PCNT: variants seen among roughly 807,000 people sequenced by gnomAD.
PCNT encodes kendrin.
In PCNT, 319 loss-of-function variants were observed where a neutral mutation model predicts 380.4. That is an observed-to-expected ratio of 0.84 (90% CI 0.77 to 0.92). The LOEUF (loss-of-function observed/expected upper bound fraction) is 0.92. Among genes scored for constraint, PCNT ranks in the 40% least tolerant of loss-of-function variants. The pLI, the probability that PCNT is intolerant of heterozygous loss-of-function variation, is 0.00. For synonymous variants in PCNT, 1,845 were observed against 1,735.2 expected, an observed-to-expected ratio of 1.06 and a Z score of -1.57; for missense variants, 4,400 against 4,255.3, an observed-to-expected ratio of 1.03 and a Z score of -0.95.
intron 3 of PCNT, among the ~76,000 whole-genome samples, chr21:46,339,592 A>G (rs2083857056): frequency 6.6e-6 from 1 of 152,190 alleles, no homozygotes; most frequent in African/African-American, 2.4e-5. Context: ...GATGGAGGCC[A>G]GAGGGCTAAC....
chr21:46,381,640 AAG>A (rs2085545142), intron 15 of PCNT, 52 bp from the exon 16 acceptor site: 1 of 1,548,008 alleles, frequency 6.5e-7, no homozygotes, highest in African/African-American at 1.4e-5. Context: ...GCTAACAGCA[AAG>A]AAAGTATTTT....
intron 29 of PCNT, among the ~76,000 whole-genome samples, chr21:46,414,181 G>A (rs1198820772): frequency 6.6e-6 from 1 of 151,958 alleles, no homozygotes; most frequent in African/African-American, 2.4e-5. Flanking sequence ...TAGTAGAGAC[G>A]GGGTTTCACC....
Position 46,438,145 on chromosome 21 carries a change from T to G in PCNT, c.9100-19T>G. 6.2e-7 allele frequency: 1 copy of G among 1,605,802 alleles called. No individual in the cohort carries two copies. Among genetic ancestry groups the G allele is most frequent in the Non-Finnish European group, 8.5e-7 (1 of 1,173,216 alleles). On this transcript the variant is annotated intron_variant, in intron 40 of 46. Transcript: ENST00000359568. ...CCTTTAACAACAAATTCTTACAAAT[T>G]TATTTTCTTTTCTCCAAGAAAAAAA...
chr21:46,428,166 G>A (rs980909310), intron 34 of PCNT, among the ~76,000 whole-genome samples: 7 of 152,186 alleles, frequency 4.6e-5, no homozygotes, highest in Non-Finnish European at 1.0e-4. Context: ...CAGCATACAC[G>A]AGGAAACCTA....
chr21:46,428,391 C>T lies in PCNT; in HGVS notation c.7495-4C>T, dbSNP rs1019492273. On this transcript the variant is annotated splice_polypyrimidine_tract_variant and splice_region_variant and intron_variant, in intron 34 of 46. Coordinates refer to ENST00000359568, the MANE Select transcript of PCNT (RefSeq NM_006031.6). Reference sequence around the variant, plus strand: ...TCAGGCTGCTTGTCCCATTGTGCCCCCAGGGAGACCTGCAGGAAAAGTCCC... The same window carrying T: ...TCAGGCTGCTTGTCCCATTGTGCCCTCAGGGAGACCTGCAGGAAAAGTCCC... The T allele has an allele frequency of 3.7e-6, 6 of 1,611,692 alleles. No homozygotes were observed. The South Asian group carries it at 4.4e-5, about 12-fold the overall frequency.
chr21:46,369,136 C>G lies in PCNT; in HGVS notation c.3165+1997C>G, dbSNP rs1008080679. ...AAAGCAGAATATGTTCAGGCTCCCT[C>G]TGCTCTCCTGAGTAAGGTGCAGTCA... On this transcript the variant is annotated intron_variant, in intron 15 of 46. Coordinates refer to ENST00000359568, the MANE Select transcript of PCNT (RefSeq NM_006031.6). 5.9e-5 allele frequency among the ~76,000 whole-genome samples: 9 copies of G among 152,258 alleles called. No individual in the cohort carries two copies. In the South Asian group the frequency reaches 6.2e-4, roughly 10 times the overall value.
intron 1 of PCNT, chr21:46,325,125 C>T (rs2083331187): frequency 3.0e-6 from 3 of 985,516 alleles, no homozygotes; most frequent in South Asian, 9.4e-5. Context: ...GGGAATAAAG[C>T]GCGCAGAGCC....
At position 46,392,308 on chromosome 21, in the gene PCNT, C is replaced by T. The variant is rs186477988; in HGVS notation, c.4216+932C>T. 3.9e-5 allele frequency among the ~76,000 whole-genome samples: 6 copies of T among 152,238 alleles called. No homozygotes were observed. In the East Asian group the frequency reaches 1.2e-3, roughly 29 times the overall value. ...GATCTCAGTTCACTGCAACCTCCGC[C>T]TCCTGGGTTCAAGTGATTCTCCTGC... is the stretch of plus-strand genomic sequence containing the variant. On this transcript the variant is annotated intron_variant, in intron 21 of 46. Coordinates refer to ENST00000359568, the MANE Select transcript of PCNT (RefSeq NM_006031.6).
chr21:46,363,756 G>A lies in PCNT; in HGVS notation c.2431G>A (p.Glu811Lys). The change falls in exon 14 of 47, where the codon GAG (glutamate) becomes AAG (lysine). Residue 811 changes from glutamate to lysine, a missense_variant. Transcript: ENST00000359568. ...ACAGGCAGCCCAGATCCTGGATCTG[G>A]AGAGGTCCTTGACGGAGCAGCAGGG... The part of the protein sequence containing the change: ...DQQAAQILDL[E>K]RSLTEQQGRL... 3.7e-6 allele frequency: 6 copies of A among 1,614,210 alleles called. No homozygotes were observed. Among genetic ancestry groups the A allele is most frequent in the Non-Finnish European group, 5.1e-6 (6 of 1,180,034 alleles).
chr21:46,326,566 G>A lies in PCNT; in HGVS notation c.244G>A (p.Ala82Thr), dbSNP rs143870030. Reference protein sequence around the residue: ...STSCDDTPDGAGGAFAAQPED... With the variant: ...STSCDDTPDGTGGAFAAQPED... ...ATCATGTGACGACACCCCTGATGGG[G>A]CAGGAGGGGCCTTTGCAGCTCAGGT... Residue 82 changes from alanine (A) to threonine (T), a missense_variant, in exon 2 of 47, where the codon GCA (alanine) becomes ACA (threonine). Physicochemically the swap from Ala to Thr is moderately conservative, Grantham distance 58. Transcript: ENST00000359568. The A allele has an allele frequency of 1.4e-4, 219 of 1,614,086 alleles. No individual in the cohort carries two copies. The East Asian group carries it at 3.3e-3, about 24-fold the overall frequency.
At chr21:46,370,320 G>A (rs3788261) in intron 15 of PCNT, among the ~76,000 whole-genome samples, 18,076 of 151,928 alleles carry the variant, frequency 0.12, 1,201 homozygotes, top group South Asian at 0.21. Flanking sequence ...TCTGTGGCGC[G>A]ACCAGATCTG....
At position 46,444,839 on chromosome 21, in the gene PCNT, C is replaced by T. The variant is rs369414311; in HGVS notation, c.9967+18C>T. On this transcript the variant is annotated intron_variant, in intron 46 of 46. Coordinates refer to ENST00000359568, the MANE Select transcript of PCNT (RefSeq NM_006031.6). ...ACTACCAGGTAATGCAAGTCCTCGCCGAGTATTTATTAAGCTGATTATCAC... is the reference window on the plus strand; with the variant it reads ...ACTACCAGGTAATGCAAGTCCTCGCTGAGTATTTATTAAGCTGATTATCAC... 3.3e-4 allele frequency: 537 copies of T among 1,610,874 alleles called. 2 individuals are homozygous for T. Among genetic ancestry groups the T allele is most frequent in the Non-Finnish European group, 4.4e-4 (515 of 1,177,342 alleles).
At chr21:46,368,125 C>G (rs937473606) in intron 15 of PCNT, among the ~76,000 whole-genome samples, 1 of 152,072 alleles carries the variant, frequency 6.6e-6, no homozygotes, top group Non-Finnish European at 1.5e-5. Flanking sequence ...CCACTGCACT[C>G]CAGCCTGGGC....
intron 16 of PCNT, among the ~76,000 whole-genome samples, chr21:46,382,674 C>T (rs574103430): frequency 5.3e-5 from 5 of 93,964 alleles, no homozygotes; most frequent in African/African-American, 1.2e-4. Context: ...TCACGGTGTG[C>T]GTTCAGTGGC....
At chr21:46,387,075 C>T (rs1337676161) in intron 17 of PCNT, among the ~76,000 whole-genome samples, 3 of 152,214 alleles carry the variant, frequency 2.0e-5, no homozygotes, top group African/African-American at 7.2e-5. Context: ...GGTTGTGCTG[C>T]TGTGTCCTGA....
intron 29 of PCNT, among the ~76,000 whole-genome samples, chr21:46,414,694 C>A (rs1171134982): frequency 1.0e-4 from 7 of 67,562 alleles, no homozygotes; most frequent in African/African-American, 4.4e-4. Flanking sequence ...CCTGGACACA[C>A]AGCTGCCCAC....
intron 13 of PCNT, among the ~76,000 whole-genome samples, chr21:46,357,519 G>A (rs913864314): frequency 2.6e-5 from 4 of 152,214 alleles, no homozygotes; most frequent in African/African-American, 9.6e-5. Flanking sequence ...TCAGCTCACT[G>A]CAACCTCTGC....
intron 16 of PCNT, among the ~76,000 whole-genome samples, chr21:46,382,692 C>T (rs1406789051): frequency 7.5e-6 from 1 of 134,224 alleles, no homozygotes; most frequent in African/African-American, 2.9e-5. Flanking sequence ...GGCGGAAGCG[C>T]ATTCACAGTG....
chr21:46,416,390 G>T lies in PCNT; in HGVS notation c.6472G>T (p.Gly2158Cys). The change falls in exon 30 of 47, where the codon GGT becomes TGT. Residue 2158 changes from glycine (G) to cysteine (C), a missense_variant. Coordinates refer to ENST00000359568, the MANE Select transcript of PCNT (RefSeq NM_006031.6). ...GTGTGATGCCAATACAACCCCAGGG[G>T]GTGTAACTGATGTTATCAAAAATTG... ...DACDANTTPG[G>C]VTDVIKNWDS... is the part of the protein sequence containing the mutation. 2 of 1,614,146 alleles carry T rather than the reference G, an allele frequency of 1.2e-6. No homozygotes were observed. Among genetic ancestry groups the T allele is most frequent in the Non-Finnish European group, 8.5e-7 (1 of 1,180,020 alleles).
Sources: allele counts gnomAD v4.1 joint callset (sites outside exome capture counted in the v4.1 genomes callset), GRCh38; gene constraint gnomAD v4.1.1; transcripts MANE v1.5; gene names NCBI Gene and HGNC (gene_info 2026-07-23, HGNC 2026-07-21).